NTN1: variants seen among roughly 807,000 people sequenced by gnomAD.
The protein encoded by NTN1 is netrin 1.
Under a neutral mutation model 54.2 loss-of-function variants are expected in NTN1, and 11 were observed. The ratio of observed to expected loss-of-function variants is 0.20; its 90% confidence interval spans 0.13 to 0.34. The LOEUF (loss-of-function observed/expected upper bound fraction) is 0.34. Ranked by LOEUF, NTN1 falls within the 10% of genes least tolerant of loss-of-function variation. The pLI, the probability that NTN1 is intolerant of heterozygous loss-of-function variation, is 1.00. For missense variants in NTN1, 740 were observed against 893.1 expected (o/e 0.83, Z 2.18); for synonymous variants, 371 against 382.0 (o/e 0.97, Z 0.33).
chr17:9,094,101 A>G (rs548702204), intron 2 of NTN1, among the ~76,000 whole-genome samples: 1 of 152,346 alleles, frequency 6.6e-6, no homozygotes, highest in African/African-American at 2.4e-5. Context: ...TAATGCATAC[A>G]AACATTCAGT....
intron 2 of NTN1, among the ~76,000 whole-genome samples, chr17:9,052,554 A>G (rs1167390640): frequency 6.6e-6 from 1 of 152,234 alleles, no homozygotes; most frequent in East Asian, 1.9e-4. Context: ...ACATCTACCA[A>G]TAAGGAAATG....
chr17:9,120,629 T>C lies in NTN1; in HGVS notation c.1019-42184T>C, dbSNP rs117045744. On this transcript the variant is annotated intron_variant, in intron 2 of 6. Transcript: ENST00000173229. ...TGGCTGCCTTTGGTGATGACTTCAG[T>C]GCTGCTTAGTATCTGGATTCTGTTC... 2.1e-3 allele frequency among the ~76,000 whole-genome samples: 319 copies of C among 152,306 alleles called. 8 individuals carry two copies. In the East Asian group the frequency reaches 0.057, roughly 27 times the overall value.
At chr17:9,143,465 C>T (rs761163051) in intron 2 of NTN1, among the ~76,000 whole-genome samples, 1 of 111,898 alleles carries the variant, frequency 8.9e-6, no homozygotes, top group Non-Finnish European at 1.7e-5. Context: ...TCTCCAGCAT[C>T]CTCACTTTGC....
chr17:9,174,411 T>A (rs1057386493), intron 3 of NTN1: 1 of 152,460 alleles, frequency 6.6e-6, no homozygotes, highest in Non-Finnish European at 1.5e-5. Context: ...ACAGGTGTGT[T>A]AGTCAGTGCA....
At chr17:9,114,143 C>CAAAAA (rs1491305006) in intron 2 of NTN1, among the ~76,000 whole-genome samples, 3 of 61,094 alleles carry the variant, frequency 4.9e-5, no homozygotes, top group African/African-American at 6.2e-5. Context: ...GCCTGGGTGC[C>CAAAAA]AAAAAAAAAG....
chr17:9,202,943 A>G (rs1386068041), intron 5 of NTN1, among the ~76,000 whole-genome samples: 1 of 151,394 alleles, frequency 6.6e-6, no homozygotes, highest in Non-Finnish European at 1.5e-5. Flanking sequence ...TTTTTTTGAG[A>G]TGGAGTCTCT....
intron 5 of NTN1, among the ~76,000 whole-genome samples, chr17:9,188,408 A>G (rs1356867254): frequency 2.7e-5 from 4 of 145,728 alleles, no homozygotes; most frequent in Non-Finnish European, 6.0e-5. Flanking sequence ...AGCCTGGGCA[A>G]TAAGAGTAAA....
At chr17:9,220,851 G>A (rs1268060287) in intron 5 of NTN1, among the ~76,000 whole-genome samples, 1 of 150,842 alleles carries the variant, frequency 6.6e-6, no homozygotes, top group African/African-American at 2.4e-5. Flanking sequence ...AGAATAGGGA[G>A]AATCTGTGTG....
At chr17:9,019,333 A>G (rs1232857703), upstream of NTN1, among the ~76,000 whole-genome samples, 1 of 152,202 alleles carries the variant, frequency 6.6e-6, no homozygotes, top group Non-Finnish European at 1.5e-5. Flanking sequence ...ATGACATTAT[A>G]CTGTGTGTTT....
At chr17:9,163,579 T>C (rs1235682047) in intron 3 of NTN1, among the ~76,000 whole-genome samples, 4 of 149,518 alleles carry the variant, frequency 2.7e-5, no homozygotes, top group Non-Finnish European at 4.5e-5. Flanking sequence ...GAACATTTAA[T>C]CCATCTGCAA....
chr17:9,149,381 TCAGA>T (rs1268543249), intron 2 of NTN1, among the ~76,000 whole-genome samples: 1 of 152,044 alleles, frequency 6.6e-6, no homozygotes, highest in Non-Finnish European at 1.5e-5. Flanking sequence ...AGAACTTTGC[TCAGA>T]CAATCTCTTC....
intron 2 of NTN1, among the ~76,000 whole-genome samples, chr17:9,030,271 G>A (rs925684038): frequency 4.6e-5 from 7 of 152,210 alleles, no homozygotes; most frequent in Admixed American, 1.3e-4. Context: ...AGGAGAAAGG[G>A]GTACCTATGG....
At chr17:9,072,732 TC>T (rs1242241061) in intron 2 of NTN1, among the ~76,000 whole-genome samples, 1 of 151,992 alleles carries the variant, frequency 6.6e-6, no homozygotes, top group East Asian at 1.9e-4. Flanking sequence ...GCAATATCTC[TC>T]CCCCCAGAAT....
At chr17:9,124,990 G>T (rs2092241837) in intron 2 of NTN1, among the ~76,000 whole-genome samples, 1 of 152,162 alleles carries the variant, frequency 6.6e-6, no homozygotes, top group African/African-American at 2.4e-5. Flanking sequence ...GTCACTCTTT[G>T]TTGTTGTTAG....
chr17:9,041,197 T>C (rs1253542200), intron 2 of NTN1, among the ~76,000 whole-genome samples: 2 of 152,240 alleles, frequency 1.3e-5, no homozygotes, highest in Non-Finnish European at 2.9e-5. Flanking sequence ...CTTTAATTGA[T>C]TTCTGAGGTA....
intron 2 of NTN1, among the ~76,000 whole-genome samples, chr17:9,145,779 G>A (rs1368671028): frequency 3.9e-5 from 6 of 152,032 alleles, no homozygotes; most frequent in African/African-American, 1.2e-4. Context: ...TTAGCCGGGC[G>A]TGGTGGCAGG....
intron 3 of NTN1, among the ~76,000 whole-genome samples, chr17:9,172,324 C>T (rs1567728251): frequency 6.6e-6 from 1 of 151,580 alleles, no homozygotes; most frequent in Non-Finnish European, 1.5e-5. Context: ...AGTGAAAATA[C>T]AAAAAATTAG....
intron 2 of NTN1, among the ~76,000 whole-genome samples, chr17:9,077,559 A>G (rs899396674): frequency 6.6e-5 from 10 of 152,232 alleles, no homozygotes; most frequent in African/African-American, 2.4e-4. Context: ...GTGAAGACCA[A>G]ATCAGCTAAG....
chr17:9,038,080 TA>T (rs2091908554), intron 2 of NTN1, among the ~76,000 whole-genome samples: 1 of 152,178 alleles, frequency 6.6e-6, no homozygotes, highest in Admixed American at 6.5e-5. Context: ...GGGCTTGAGA[TA>T]GGCCCAAATA....
Sources: allele counts gnomAD v4.1 joint callset (sites outside exome capture counted in the v4.1 genomes callset), GRCh38; gene constraint gnomAD v4.1.1; transcripts MANE v1.5; gene names NCBI Gene and HGNC (gene_info 2026-07-23, HGNC 2026-07-21).